IL31RA: variants seen among roughly 807,000 people sequenced by gnomAD.
The protein encoded by IL31RA is interleukin-31 receptor subunit alpha.
IL31RA carries 66 observed loss-of-function variants against 83.7 expected under a neutral mutation model. The observed-to-expected ratio is 0.79, with a 90% CI of 0.65 to 0.97. The LOEUF (loss-of-function observed/expected upper bound fraction) is 0.97, where lower values mean the gene tolerates loss of function less well. Among genes scored for constraint, IL31RA ranks in the 50% least tolerant of loss-of-function variants. The pLI is 0.00. For synonymous variants in IL31RA, 325 were observed against 329.0 expected, an observed-to-expected ratio of 0.99 and a Z score of 0.13; for missense variants, 798 against 919.4, an observed-to-expected ratio of 0.87 and a Z score of 1.71.
chr5:55,867,317 G>GTGCA (rs1746245885), intron 2 of IL31RA, among the ~76,000 whole-genome samples: 3 of 130,664 alleles, frequency 2.3e-5, no homozygotes, highest in Non-Finnish European at 4.8e-5. Flanking sequence ...GTGTGTGTGT[G>GTGCA]CGTGTGTGTG....
intron 12 of IL31RA, 27 bp from the exon 13 acceptor site, chr5:55,913,450 C>T (rs1749616533): frequency 6.8e-7 from 1 of 1,475,620 alleles, no homozygotes; most frequent in Non-Finnish European, 9.5e-7. Flanking sequence ...GAACTCACTA[C>T]TGACTTTTGT....
rs1226566883 is a variant in IL31RA, at chr5:55,851,591, G to GT, written c.26dup (p.Thr10HisfsTer7). On this transcript the variant is annotated frameshift_variant, in exon 1 of 15. Coordinates refer to ENST00000652347, the MANE Select transcript of IL31RA (RefSeq NM_139017.7). LOFTEE classifies it high-confidence loss of function. ...TGGGAATGTGCATCAGGCAACTCAA[G>GT]TTTTTCACCACGGCATGTGTCTGTG... 1 of 1,613,948 alleles carries GT rather than the reference G, an allele frequency of 6.2e-7. No individual in the cohort carries two copies. Among genetic ancestry groups the GT allele is most frequent in the Admixed American group, 1.7e-5 (1 of 60,006 alleles).
At chr5:55,867,291 A>ATGTGTG (rs1349625039) in intron 2 of IL31RA, among the ~76,000 whole-genome samples, 2 of 22,914 alleles carry the variant, frequency 8.7e-5, no homozygotes, top group African/African-American at 2.4e-4. Flanking sequence ...GTGTGTGTGC[A>ATGTGTG]TGTGTGTGTG....
At chr5:55,900,990 G>A (rs924285460) in intron 8 of IL31RA, among the ~76,000 whole-genome samples, 2 of 152,066 alleles carry the variant, frequency 1.3e-5, no homozygotes, top group Non-Finnish European at 2.9e-5. Flanking sequence ...AGTCAGGAAT[G>A]TTCTCTCCAA....
chr5:55,916,624 T>C lies in IL31RA; in HGVS notation c.1819-20T>C, dbSNP rs1411085539. The C allele has an allele frequency of 1.2e-6, 2 of 1,606,524 alleles. No individual in the cohort carries two copies. The highest frequency in any genetic ancestry group is 1.1e-5 in the South Asian group (1 of 90,912). The stretch of plus-strand genomic sequence containing the variant: ...GTGACTCCTAAATGACCACTTGGGA[T>C]GTCCCTTTTTCTTTTCCAGGATAAG... On this transcript the variant is annotated intron_variant, in intron 14 of 14. Coordinates refer to ENST00000652347, the MANE Select transcript of IL31RA (RefSeq NM_139017.7).
Position 55,906,126 on chromosome 5 carries a change from A to G in IL31RA, c.1090A>G (p.Met364Val). Residue 364 changes from methionine (M) to valine (V), a missense_variant, in exon 9 of 15, where the codon ATG (methionine) becomes GTG (valine). Met to Val is a conservative substitution (Grantham distance 21, BLOSUM62 1). Transcript: ENST00000652347. ...TTCAGCATTTCAGTGCATTGAGGTCATGCAGGCCTGCGTTGCTGAGGACCA... is the reference window on the plus strand; with the variant it reads ...TTCAGCATTTCAGTGCATTGAGGTCGTGCAGGCCTGCGTTGCTGAGGACCA... ...QEKSFQCIEVMQACVAEDQLV... is the reference protein window; with the variant it reads ...QEKSFQCIEVVQACVAEDQLV... 1 of 1,614,206 alleles carries G rather than the reference A, an allele frequency of 6.2e-7. No homozygotes were observed. Among genetic ancestry groups the G allele is most frequent in the Non-Finnish European group, 8.5e-7 (1 of 1,180,030 alleles).
intron 5 of IL31RA, among the ~76,000 whole-genome samples, chr5:55,888,104 T>C (rs1052898115): frequency 1.3e-5 from 2 of 152,170 alleles, no homozygotes; most frequent in Admixed American, 6.5e-5. Flanking sequence ...TCAGAACTTC[T>C]GACTCATCTA....
intron 9 of IL31RA, 100 bp from the exon 10 acceptor site, chr5:55,907,259 G>T: frequency 1.3e-6 from 1 of 740,898 alleles, no homozygotes; most frequent in Non-Finnish European, 2.4e-6. Flanking sequence ...GTAGAGAAAT[G>T]GAATATCTTC....
chr5:55,882,884 T>TG (rs1175158627), intron 4 of IL31RA, among the ~76,000 whole-genome samples, 160 bp from the exon 5 acceptor site: 18 of 151,952 alleles, frequency 1.2e-4, no homozygotes, highest in Non-Finnish European at 2.2e-4. Context: ...GTGTTGGGGT[T>TG]GGGGGGGTGA....
rs929628401 is a variant in IL31RA, at chr5:55,903,186, C to T, written c.1070-2920C>T. ...GGTGGCGTGGTCCCAGGCAGGGCAT[C>T]GGAAAGCCCGGCCACTGTGTCATAA... On this transcript the variant is annotated intron_variant, in intron 8 of 14. Coordinates refer to ENST00000652347, the MANE Select transcript of IL31RA (RefSeq NM_139017.7). The surrounding 1 kb of genome is among the most constrained non-coding windows in gnomAD (Gnocchi z 4.7). Among the ~76,000 whole-genome samples, 4 of 152,080 alleles carry T rather than the reference C, an allele frequency of 2.6e-5. No individual in the cohort carries two copies. The highest frequency in any genetic ancestry group is 5.9e-5 in the Non-Finnish European group (4 of 68,012).
Position 55,916,936 on chromosome 5 carries a change from G to T in IL31RA, c.2111G>T (p.Arg704Leu), listed in dbSNP as rs144592181. 1 of 1,613,910 alleles carries T rather than the reference G, an allele frequency of 6.2e-7. No homozygotes were observed. Among genetic ancestry groups the T allele is most frequent in the Non-Finnish European group, 8.5e-7 (1 of 1,179,868 alleles). Residue 704 changes from arginine (R) to leucine (L), a missense_variant, in exon 15 of 15, where the codon CGT (arginine) becomes CTT (leucine). By Grantham distance (102) the Arg-to-Leu change is moderately radical. Transcript: ENST00000652347. Reference protein sequence around the residue: ...EIPPRKSQYLRSRMPEGTRPE... With the variant: ...EIPPRKSQYLLSRMPEGTRPE... ...CCGCCCAGAAAATCCCAATACCTAC[G>T]TTCGAGGATGCCAGAGGGGACCCGC... is the stretch of plus-strand genomic sequence containing the variant.
rs148390204 is a variant in IL31RA, at chr5:55,910,596, C to T, written c.1566C>T (p.Tyr522=). Residue 522 remains tyrosine (Y), a synonymous_variant, in exon 12 of 15, where the codon TAC becomes TAT. Transcript: ENST00000652347. ...AGTCCCTGAAACGAAAGACCTCTTA[C>T]ATTGTTCAGGTCATGGCCAGCACCA... ...GLESLKRKTS[Y]IVQVMASTSA... 7 of 1,613,796 alleles carry T rather than the reference C, an allele frequency of 4.3e-6. No individual in the cohort carries two copies. The African/African-American group carries it at 9.3e-5, about 22-fold the overall frequency.
In IL31RA at chr5:55,907,459, C is replaced by T. The variant is rs755336880; in HGVS notation, c.1353C>T (p.Gly451=). The change falls in exon 10 of 15, where the codon GGC becomes GGT. Residue 451 remains glycine (G), a splice_region_variant and synonymous_variant. Coordinates refer to ENST00000652347, the MANE Select transcript of IL31RA (RefSeq NM_139017.7). ...PYSIQAYAKE[G]VPSEGPETKV... is the part of the protein sequence containing the mutation. ...CCATCCAGGCTTATGCCAAAGAAGG[C>T]GGTATGAATGGACAAGACCCTGTGG... The T allele has an allele frequency of 1.6e-5, 25 of 1,597,062 alleles. No individual in the cohort carries two copies. The Middle Eastern group carries it at 5.0e-4, about 32-fold the overall frequency.
chr5:55,920,889 G>A lies in IL31RA; in HGVS notation c.*3769G>A, dbSNP rs780010290. On this transcript the variant is annotated 3_prime_UTR_variant, in exon 15 of 15. Transcript: ENST00000652347. ...TCAACAGGAGTGATTTTGACCCCCA[G>A]CCTCCAAACCTCAGACATTTGGTGA... Among the ~76,000 whole-genome samples, 1 of 152,024 alleles carries A rather than the reference G, an allele frequency of 6.6e-6. No homozygotes were observed. Among genetic ancestry groups the A allele is most frequent in the African/African-American group, 2.4e-5 (1 of 41,382 alleles).
At chr5:55,902,782 A>G (rs1167574165) in intron 8 of IL31RA, among the ~76,000 whole-genome samples, 1 of 152,248 alleles carries the variant, frequency 6.6e-6, no homozygotes, top group African/African-American at 2.4e-5. Flanking sequence ...TACATTGTCT[A>G]CTAGTATGTG....
intron 4 of IL31RA, among the ~76,000 whole-genome samples, chr5:55,872,846 T>TA (rs5868001): frequency 6.6e-6 from 1 of 151,484 alleles, no homozygotes; most frequent in Non-Finnish European, 1.5e-5. Context: ...ACTTCTGACT[T>TA]AAAAAAAAAT....
intron 14 of IL31RA, among the ~76,000 whole-genome samples, chr5:55,915,218 C>T (rs1749719058): frequency 1.3e-5 from 2 of 152,302 alleles, no homozygotes; most frequent in South Asian, 4.2e-4. Flanking sequence ...AGACACTGGC[C>T]CTACCCTTCC....
At chr5:55,914,566 T>C (rs992077120) in intron 13 of IL31RA, among the ~76,000 whole-genome samples, 6 of 152,124 alleles carry the variant, frequency 3.9e-5, no homozygotes, top group African/African-American at 7.2e-5. Context: ...ATTTACAGCA[T>C]TGGGACCAGG....
intron 2 of IL31RA, among the ~76,000 whole-genome samples, chr5:55,867,254 CGTGT>C (rs1238118862): frequency 6.8e-4 from 17 of 25,042 alleles, no homozygotes; most frequent in Non-Finnish European, 1.7e-3. Context: ...TTTGTGTGTG[CGTGT>C]GTTTGTGTGC....
Sources: gnomAD v4.1 joint callset for allele counts (sites outside exome capture counted in the v4.1 genomes callset) on GRCh38, gnomAD v4.1.1 for gene constraint, Gnocchi (gnomAD v3.1) non-coding constraint, MANE v1.5 for transcripts, NCBI Gene and HGNC (gene_info 2026-07-23, HGNC 2026-07-21) for gene names.